GPC5: variants seen among roughly 807,000 people sequenced by gnomAD.
GPC5 encodes the protein glypican 5, also known as glypican-5.
In GPC5, 47 loss-of-function variants were observed where a neutral mutation model predicts 53.9. The observed-to-expected ratio is 0.87, with a 90% confidence interval of 0.69 to 1.11. GPC5 has a LOEUF of 1.11. Among genes scored for constraint, GPC5 ranks in the 50% most tolerant of loss-of-function variants. The pLI is 0.00. For synonymous variants in GPC5, 286 were observed against 263.3 expected, an observed-to-expected ratio of 1.09 and a Z score of -0.84; for missense variants, 748 against 713.1, an observed-to-expected ratio of 1.05 and a Z score of -0.56.
intron 6 of GPC5, among the ~76,000 whole-genome samples, chr13:92,031,158 G>C (rs751256307): frequency 2.0e-5 from 3 of 152,000 alleles, no homozygotes; most frequent in Middle Eastern, 3.2e-3. Context: ...TCAGGTTCAT[G>C]TGCCTTACTC....
At chr13:92,098,958 C>CTT (rs10633643) in intron 6 of GPC5, among the ~76,000 whole-genome samples, 6,128 of 143,074 alleles carry the variant, frequency 0.043, 358 homozygotes, top group African/African-American at 0.13. Context: ...TTGTTCTTGC[C>CTT]TTTTTTTTTT....
At chr13:91,648,338 T>A (rs1469304052) in intron 2 of GPC5, among the ~76,000 whole-genome samples, 1 of 151,840 alleles carries the variant, frequency 6.6e-6, no homozygotes, top group African/African-American at 2.4e-5. Flanking sequence ...ATGATACTGT[T>A]TTTAATTGTA....
intron 7 of GPC5, among the ~76,000 whole-genome samples, chr13:92,711,473 T>C (rs969307251): frequency 6.6e-5 from 10 of 152,114 alleles, no homozygotes; most frequent in Admixed American, 6.6e-4. Context: ...TCCTAGTTGA[T>C]TGTTGAAGAG....
At chr13:92,283,911 T>G (rs1289279122) in intron 7 of GPC5, among the ~76,000 whole-genome samples, 2 of 151,924 alleles carry the variant, frequency 1.3e-5, no homozygotes, top group Non-Finnish European at 2.9e-5. Flanking sequence ...CTGAAGGAGA[T>G]AGAGACACAA....
At chr13:92,383,113 CAT>C (rs2043764216) in intron 7 of GPC5, among the ~76,000 whole-genome samples, 1 of 151,852 alleles carries the variant, frequency 6.6e-6, no homozygotes, top group Non-Finnish European at 1.5e-5. Context: ...AGGACAATCT[CAT>C]ATTAATATGT....
intron 2 of GPC5, among the ~76,000 whole-genome samples, chr13:91,459,918 G>A (rs866121262): frequency 6.6e-6 from 1 of 152,048 alleles, no homozygotes; most frequent in African/African-American, 2.4e-5. Flanking sequence ...AGAGTAAAGG[G>A]CATTCAAGAA....
At chr13:92,086,513 C>T (rs1381577537) in intron 6 of GPC5, among the ~76,000 whole-genome samples, 1 of 152,156 alleles carries the variant, frequency 6.6e-6, no homozygotes, top group African/African-American at 2.4e-5. Context: ...TCCAGTGGCC[C>T]TCTCACCTTT....
chr13:91,782,325 G>A (rs760226298), intron 5 of GPC5, among the ~76,000 whole-genome samples: 2 of 152,132 alleles, frequency 1.3e-5, no homozygotes, highest in South Asian at 4.1e-4. Flanking sequence ...AGAAATACCC[G>A]AGACTGGCCC....
intron 7 of GPC5, among the ~76,000 whole-genome samples, chr13:92,849,376 T>C (rs967858912): frequency 6.6e-6 from 1 of 152,208 alleles, no homozygotes; most frequent in African/African-American, 2.4e-5. Flanking sequence ...ATAATACACA[T>C]GATGGATAGG....
chr13:91,720,285 C>T (rs1036346742), intron 3 of GPC5, among the ~76,000 whole-genome samples: 7 of 152,204 alleles, frequency 4.6e-5, no homozygotes, highest in Non-Finnish European at 8.8e-5. Context: ...TGTGCTGAAA[C>T]TACACTTTCC....
chr13:91,744,628 AAAG>A (rs772359236), intron 4 of GPC5, among the ~76,000 whole-genome samples: 13 of 152,174 alleles, frequency 8.5e-5, no homozygotes, highest in Non-Finnish European at 1.2e-4. Context: ...AAGGAAGAAT[AAAG>A]AAGGCTTTTC....
At chr13:92,784,110 T>G (rs1876129887) in intron 7 of GPC5, among the ~76,000 whole-genome samples, 1 of 152,216 alleles carries the variant, frequency 6.6e-6, no homozygotes, top group Non-Finnish European at 1.5e-5. Flanking sequence ...AAATATCAGC[T>G]ATTTTAACAA....
chr13:92,016,141 G>C (rs2040704752), intron 6 of GPC5, among the ~76,000 whole-genome samples: 1 of 152,162 alleles, frequency 6.6e-6, no homozygotes, highest in South Asian at 2.1e-4. Context: ...AGAGCAGCTT[G>C]CACTTTTCAA....
At chr13:91,895,324 C>T (rs1426143087) in intron 5 of GPC5, among the ~76,000 whole-genome samples, 2 of 152,130 alleles carry the variant, frequency 1.3e-5, no homozygotes, top group Non-Finnish European at 2.9e-5. Context: ...AATACATGTG[C>T]CACAGTGAAC....
chr13:92,273,390 T>TA (rs2042853324), intron 7 of GPC5, among the ~76,000 whole-genome samples: 1 of 152,132 alleles, frequency 6.6e-6, no homozygotes, highest in South Asian at 2.1e-4. Context: ...AGTGACCTCT[T>TA]ATGCATCAGT....
chr13:91,538,839 T>A (rs5805704), intron 2 of GPC5, among the ~76,000 whole-genome samples: 1 of 138,498 alleles, frequency 7.2e-6, no homozygotes, highest in African/African-American at 2.8e-5. Flanking sequence ...CGCCCCCCCC[T>A]CAGCCTCCCA....
intron 5 of GPC5, among the ~76,000 whole-genome samples, chr13:91,906,602 G>T (rs2039555659): frequency 6.6e-6 from 1 of 152,146 alleles, no homozygotes; most frequent in South Asian, 2.1e-4. Context: ...TCCTGGTTAA[G>T]TAATGAGCAT....
chr13:92,501,285 C>A (rs750512390), intron 7 of GPC5, among the ~76,000 whole-genome samples: 1 of 151,630 alleles, frequency 6.6e-6, no homozygotes, highest in Non-Finnish European at 1.5e-5. Context: ...ATAGAAGATA[C>A]AAATGGAAAA....
At chr13:91,740,759 G>A (rs559386181) in intron 4 of GPC5, among the ~76,000 whole-genome samples, 4 of 152,128 alleles carry the variant, frequency 2.6e-5, no homozygotes, top group East Asian at 1.9e-4. Context: ...AGGACATTGC[G>A]CTCATATAGT....
Sources: allele counts gnomAD v4.1 joint callset (sites outside exome capture counted in the v4.1 genomes callset), GRCh38; gene constraint gnomAD v4.1.1; transcripts MANE v1.5; gene names NCBI Gene and HGNC (gene_info 2026-07-23, HGNC 2026-07-21).